CALN1: variants seen among roughly 807,000 people sequenced by gnomAD.
CALN1 encodes calneuron 1.
Under a neutral mutation model 30.6 loss-of-function variants are expected in CALN1, and 17 were observed. That is an observed-to-expected ratio of 0.56 (90% CI 0.38 to 0.83). The LOEUF (loss-of-function observed/expected upper bound fraction) is 0.83. CALN1 is among the 40% of genes least tolerant of loss of function. The pLI, the probability that CALN1 is intolerant of heterozygous loss-of-function variation, is 0.00. For synonymous variants in CALN1, 156 were observed against 131.4 expected (o/e 1.19, Z -1.28); for missense variants, 291 against 354.9 (o/e 0.82, Z 1.45).
In CALN1 at chr7:71,971,971, A is replaced by AAGAAAGAAAGAC. The variant is rs1225792466; in HGVS notation, c.501+51685_501+51686insGTCTTTCTTTCT. On this transcript the variant is annotated intron_variant, in intron 5 of 6. Transcript: ENST00000395275. ...AAAAAAAAAAAGAAAGAAAGAAAGA[A>AAGAAAGAAAGAC]AGAAAGAAAGAAAGAAAGAAAGAGA... Among the ~76,000 whole-genome samples, 499 of 141,968 alleles carry AAGAAAGAAAGAC rather than the reference A, an allele frequency of 3.5e-3. 5 individuals carry two copies. Among genetic ancestry groups the AAGAAAGAAAGAC allele is most frequent in the African/African-American group, 0.012 (457 of 38,434 alleles). The allele number at this position is 141,968 out of a possible 152,430, so 93.1% of individuals were successfully genotyped here. A position where few individuals can be genotyped will look rare whatever the true frequency, so the allele number is the denominator to read the frequency against.
intron 2 of CALN1, among the ~76,000 whole-genome samples, chr7:72,359,448 A>T (rs1014267365): frequency 6.6e-6 from 1 of 152,184 alleles, no homozygotes; most frequent in African/African-American, 2.4e-5. Flanking sequence ...ACAAATGCTA[A>T]CACACTGTAC....
intron 3 of CALN1, among the ~76,000 whole-genome samples, chr7:72,173,144 T>C (rs1789086955): frequency 1.3e-5 from 2 of 152,124 alleles, no homozygotes; most frequent in South Asian, 4.2e-4. Flanking sequence ...TGAAAACAAT[T>C]GCTGTACTTC....
chr7:72,008,578 G>A (rs186145110), intron 5 of CALN1, among the ~76,000 whole-genome samples: 1 of 151,164 alleles, frequency 6.6e-6, no homozygotes, highest in African/African-American at 2.4e-5. Context: ...TAGAAGCATA[G>A]ATTTTCCCCA....
intron 5 of CALN1, among the ~76,000 whole-genome samples, chr7:71,852,025 C>A (rs1790677958): frequency 6.6e-6 from 1 of 152,106 alleles, no homozygotes; most frequent in South Asian, 2.1e-4. Context: ...AGAGGAGGAT[C>A]TAAAGGAGGT....
intron 3 of CALN1, among the ~76,000 whole-genome samples, chr7:72,116,030 TTG>T (rs1807962158): frequency 1.3e-5 from 2 of 152,124 alleles, no homozygotes; most frequent in African/African-American, 4.8e-5. Context: ...TAACAGTCCA[TTG>T]TGTATATGGA....
chr7:72,193,007 G>A (rs1332671279), intron 3 of CALN1, among the ~76,000 whole-genome samples: 2 of 151,870 alleles, frequency 1.3e-5, no homozygotes, highest in Non-Finnish European at 2.9e-5. Context: ...GGCCAACATG[G>A]CAAAATCCCA....
chr7:72,030,180 C>T (rs1005112716), intron 4 of CALN1, among the ~76,000 whole-genome samples: 2 of 152,128 alleles, frequency 1.3e-5, no homozygotes, highest in Non-Finnish European at 2.9e-5. Context: ...TTGTCTTGAG[C>T]GTTAGAGTAT....
intron 5 of CALN1, among the ~76,000 whole-genome samples, chr7:71,898,159 G>A (rs1040466029): frequency 6.6e-6 from 1 of 151,492 alleles, no homozygotes; most frequent in Non-Finnish European, 1.5e-5. Flanking sequence ...GTGAAACCCC[G>A]TCTCTACTAA....
chr7:72,474,988 C>T, the CALN1 span, among the ~76,000 whole-genome samples: 1 of 152,174 alleles, frequency 6.6e-6, no homozygotes, highest in Non-Finnish European at 1.5e-5. Flanking sequence ...TTTGTCCCCC[C>T]CAAGCCTGGG....
chr7:71,950,150 C>A (rs191373928), intron 5 of CALN1, among the ~76,000 whole-genome samples: 4 of 152,238 alleles, frequency 2.6e-5, no homozygotes, highest in Admixed American at 2.6e-4. Context: ...GTTCGAGATG[C>A]CAAGAACCTG....
chr7:71,848,660 G>A (rs893703980), intron 5 of CALN1, among the ~76,000 whole-genome samples: 1 of 151,904 alleles, frequency 6.6e-6, no homozygotes, highest in Admixed American at 6.6e-5. Context: ...TGAAACAAGA[G>A]CTATGATAAT....
At chr7:72,462,175 T>C in the CALN1 span, among the ~76,000 whole-genome samples, 2 of 150,702 alleles carry the variant, frequency 1.3e-5, no homozygotes, top group East Asian at 3.9e-4. Flanking sequence ...TGTATGTATG[T>C]ATGTATTTAT....
chr7:72,362,981 C>A (rs1183728184), intron 2 of CALN1, among the ~76,000 whole-genome samples: 1 of 152,198 alleles, frequency 6.6e-6, no homozygotes, highest in Non-Finnish European at 1.5e-5. Context: ...TACTTCATTG[C>A]AGGCAATTAT....
chr7:72,055,814 C>T (rs115353738), intron 4 of CALN1, among the ~76,000 whole-genome samples: 28 of 152,016 alleles, frequency 1.8e-4, no homozygotes, highest in African/African-American at 6.5e-4. Context: ...AAGTTTGAAA[C>T]CAGCCTAGGC....
the CALN1 span, among the ~76,000 whole-genome samples, chr7:72,487,894 GAAA>G: frequency 1.8e-5 from 1 of 55,724 alleles, no homozygotes; most frequent in Non-Finnish European, 3.3e-5. Flanking sequence ...GAAAAGAAAA[GAAA>G]GAAAGAAAGA....
intron 3 of CALN1, among the ~76,000 whole-genome samples, chr7:72,261,809 A>G (rs145833410): frequency 1.8e-4 from 27 of 152,310 alleles, no homozygotes; most frequent in Non-Finnish European, 3.1e-4. Context: ...TGGAACAAAC[A>G]AACTCTTAAT....
At chr7:72,140,276 A>AAGAGAGAGAGAGAG (rs71069028) in intron 3 of CALN1, among the ~76,000 whole-genome samples, 10 of 119,860 alleles carry the variant, frequency 8.3e-5, no homozygotes, top group East Asian at 2.5e-4. Flanking sequence ...GTCTCAAAAT[A>AAGAGAGAGAGAGAG]AGAGAGAGAG....
chr7:72,167,004 A>G (rs1013953937), intron 3 of CALN1, among the ~76,000 whole-genome samples: 1 of 152,208 alleles, frequency 6.6e-6, no homozygotes, highest in Non-Finnish European at 1.5e-5. Context: ...ACTGCACTCC[A>G]GCCTGGGCGA....
intron 3 of CALN1, among the ~76,000 whole-genome samples, chr7:72,184,103 G>A (rs1288432774): frequency 1.3e-5 from 2 of 152,174 alleles, no homozygotes; most frequent in Non-Finnish European, 2.9e-5. Flanking sequence ...ACCAATCTCA[G>A]CAAATGATAA....
Sources: gnomAD v4.1 joint callset for allele counts (sites outside exome capture counted in the v4.1 genomes callset) on GRCh38, gnomAD v4.1.1 for gene constraint, MANE v1.5 for transcripts, NCBI Gene and HGNC (gene_info 2026-07-23, HGNC 2026-07-21) for gene names.